Variants in RORB observed in about 807,000 individuals in gnomAD.
RORB encodes nuclear receptor ROR-beta.
A neutral mutation model predicts 59.1 loss-of-function variants in RORB; 6 were observed. The observed-to-expected ratio is 0.10, with a 90% CI of 0.06 to 0.20. The LOEUF (loss-of-function observed/expected upper bound fraction) is 0.20, where lower values mean the gene tolerates loss of function less well. RORB is among the 10% of genes least tolerant of loss of function. The pLI is 1.00. For synonymous variants in RORB, 215 were observed against 204.5 expected, an observed-to-expected ratio of 1.05 and a Z score of -0.44; for missense variants, 320 against 560.5, an observed-to-expected ratio of 0.57 and a Z score of 4.33.
chr9:74,664,320 C>T (rs770892679), intron 6 of RORB, among the ~76,000 whole-genome samples: 1 of 152,212 alleles, frequency 6.6e-6, no homozygotes, highest in Non-Finnish European at 1.5e-5. Flanking sequence ...AACTAAGACT[C>T]AGATATAACC....
chr9:74,626,563 A>G (rs1047051430), intron 1 of RORB, among the ~76,000 whole-genome samples: 4 of 152,220 alleles, frequency 2.6e-5, no homozygotes, highest in African/African-American at 9.6e-5. Context: ...CTCTTGGGGA[A>G]TACTATTGTT....
intron 1 of RORB, among the ~76,000 whole-genome samples, chr9:74,587,721 A>G (rs1822822745): frequency 6.6e-6 from 1 of 152,178 alleles, no homozygotes; most frequent in South Asian, 2.1e-4. Context: ...GCTTTTTCAC[A>G]TGTGATCTTA....
intron 1 of RORB, among the ~76,000 whole-genome samples, chr9:74,506,098 T>G (rs1825867758): frequency 6.6e-6 from 1 of 152,048 alleles, no homozygotes; most frequent in South Asian, 2.1e-4. Flanking sequence ...CTGATGTATA[T>G]TGAGTTTCAT....
chr9:74,579,598 C>T (rs1045671124), intron 1 of RORB, among the ~76,000 whole-genome samples: 1 of 152,072 alleles, frequency 6.6e-6, no homozygotes, highest in Non-Finnish European at 1.5e-5. Flanking sequence ...GGATAACGAG[C>T]TTATTTGCCT....
intron 1 of RORB, among the ~76,000 whole-genome samples, chr9:74,520,281 T>C (rs910292413): frequency 6.6e-6 from 1 of 151,954 alleles, no homozygotes; most frequent in African/African-American, 2.4e-5. Flanking sequence ...GCCACACAAA[T>C]ATAAAGTTGT....
chr9:74,644,781 C>G (rs918224880), intron 4 of RORB, among the ~76,000 whole-genome samples: 12 of 152,086 alleles, frequency 7.9e-5, no homozygotes, highest in African/African-American at 2.9e-4. Context: ...AATCTTCTGG[C>G]CTATATTCAA....
At chr9:74,499,208 T>A (rs1001181853) in intron 1 of RORB, 18 of 152,510 alleles carry the variant, frequency 1.2e-4, no homozygotes, top group African/African-American at 4.3e-4. Flanking sequence ...GCTCCAGACC[T>A]TCTTGCATCC....
At chr9:74,573,484 A>T (rs1237324990) in intron 1 of RORB, among the ~76,000 whole-genome samples, 1 of 151,306 alleles carries the variant, frequency 6.6e-6, no homozygotes, top group East Asian at 1.9e-4. Context: ...AAAAAAAAAA[A>T]ACTGGGCCTA....
At chr9:74,611,047 G>A (rs955900863) in intron 1 of RORB, among the ~76,000 whole-genome samples, 2 of 152,164 alleles carry the variant, frequency 1.3e-5, no homozygotes, top group Non-Finnish European at 2.9e-5. Flanking sequence ...CTTGGCAGCT[G>A]TGGGTGGTTG....
chr9:74,597,534 T>A (rs1237807180), intron 1 of RORB, among the ~76,000 whole-genome samples: 1 of 152,260 alleles, frequency 6.6e-6, no homozygotes, highest in African/African-American at 2.4e-5. Context: ...TATGTTTCAC[T>A]TGAATCTTTG....
rs190181511 is a variant in RORB at position 74,661,264 on chromosome 9, G to T, written c.759+526G>T. 6.0e-4 allele frequency among the ~76,000 whole-genome samples: 91 copies of T among 152,260 alleles called. 1 individual carries two copies. In the South Asian group the frequency reaches 6.8e-3, roughly 11 times the overall value. On this transcript the variant is annotated intron_variant, in intron 5 of 9. Coordinates refer to ENST00000376896, the MANE Select transcript of RORB (RefSeq NM_006914.4). Reference sequence around the variant, plus strand: ...TCATTTCTTTGGGTTTGTTGAAGAAGTTTTTAAGAGGAATTTATTGTTGTT... The same window carrying T: ...TCATTTCTTTGGGTTTGTTGAAGAATTTTTTAAGAGGAATTTATTGTTGTT...
chr9:74,593,442 G>A (rs1319882648), intron 1 of RORB, among the ~76,000 whole-genome samples: 1 of 147,096 alleles, frequency 6.8e-6, no homozygotes, highest in Non-Finnish European at 1.5e-5. Flanking sequence ...CTCCAGCCTG[G>A]GCAACAAGAG....
intron 1 of RORB, among the ~76,000 whole-genome samples, chr9:74,599,395 C>T (rs886693441): frequency 4.6e-5 from 7 of 151,868 alleles, no homozygotes; most frequent in African/African-American, 1.5e-4. Flanking sequence ...CTACTTCAAT[C>T]AGAATGAGTA....
chr9:74,560,735 G>A (rs1822385191), intron 1 of RORB, among the ~76,000 whole-genome samples: 1 of 151,720 alleles, frequency 6.6e-6, no homozygotes, highest in Non-Finnish European at 1.5e-5. Context: ...TTTCAGTATT[G>A]ATAAATGGTA....
At chr9:74,547,674 A>C (rs1466618349) in intron 1 of RORB, among the ~76,000 whole-genome samples, 1 of 152,216 alleles carries the variant, frequency 6.6e-6, no homozygotes, top group Non-Finnish European at 1.5e-5. Flanking sequence ...GTAGGAGACC[A>C]CCCAATATGT....
intron 1 of RORB, among the ~76,000 whole-genome samples, chr9:74,624,587 G>A (rs1425997372): frequency 6.6e-6 from 1 of 152,198 alleles, no homozygotes. Context: ...CAGTGGAACT[G>A]GTTCCCAGAG....
chr9:74,592,384 C>T (rs1297053328), intron 1 of RORB, among the ~76,000 whole-genome samples: 4 of 152,214 alleles, frequency 2.6e-5, no homozygotes, highest in African/African-American at 9.6e-5. Context: ...GGAGATTTCT[C>T]ACATGGTTGA....
intron 3 of RORB, among the ~76,000 whole-genome samples, chr9:74,635,956 C>A (rs370497125): frequency 4.5e-4 from 59 of 131,580 alleles, no homozygotes; most frequent in Middle Eastern, 3.8e-3. Context: ...CAAATTTGAC[C>A]AAAAAAAAAA....
chr9:74,534,586 AG>A (rs762743797), intron 1 of RORB, among the ~76,000 whole-genome samples: 1 of 151,988 alleles, frequency 6.6e-6, no homozygotes, highest in African/African-American at 2.4e-5. Flanking sequence ...AATTCTAATT[AG>A]CAGTCTGGAA....
Sources: allele counts gnomAD v4.1 joint callset (sites outside exome capture counted in the v4.1 genomes callset), GRCh38; gene constraint gnomAD v4.1.1; transcripts MANE v1.5; gene names NCBI Gene and HGNC (gene_info 2026-07-23, HGNC 2026-07-21).